MECR: variants seen among roughly 807,000 people sequenced by gnomAD.
MECR encodes enoyl-[acyl-carrier-protein] reductase, mitochondrial.
MECR carries 37 observed loss-of-function variants against 49.1 expected under a neutral mutation model. The ratio of observed to expected loss-of-function variants is 0.75; its 90% CI spans 0.58 to 0.99. MECR has a LOEUF of 0.99. Among genes scored for constraint, MECR ranks in the 50% least tolerant of loss-of-function variants. MECR has a pLI of 0.00. For missense variants in MECR, 470 were observed against 479.6 expected (o/e 0.98, Z 0.19); for synonymous variants, 198 against 191.1 (o/e 1.04, Z -0.30).
chr1:29,182,630 G>A, the MECR span, among the ~76,000 whole-genome samples: 1 of 151,768 alleles, frequency 6.6e-6, no homozygotes, highest in African/African-American at 2.4e-5. Context: ...TGCAACCTCC[G>A]CCTCCCGGGT....
At chr1:29,207,237 A>G (rs1187663456) in intron 3 of MECR, among the ~76,000 whole-genome samples, 2 of 151,978 alleles carry the variant, frequency 1.3e-5, no homozygotes, top group African/African-American at 4.8e-5. Flanking sequence ...CTTATGCTGC[A>G]GCCCCCTGAG....
rs1201357490 is a variant in MECR at position 29,203,165 on chromosome 1, G to A, written c.619C>T (p.Leu207=). Residue 207 remains leucine (L), a synonymous_variant, in exon 5 of 10, where the codon CTG becomes TTG. Transcript: ENST00000263702. ...GQAVIQIAAA[L]GLRTINVVRD... is the part of the protein sequence containing the mutation. ...ACCACATTGATGGTTCTTAGGCCCA[G>A]GGCTGCGGCGATCTGGATGACTGCT... 6.3e-7 allele frequency: 1 copy of A among 1,584,152 alleles called. No homozygotes were observed. Among genetic ancestry groups the A allele is most frequent in the Non-Finnish European group, 8.6e-7 (1 of 1,161,536 alleles).
At chr1:29,230,628 G>T in intron 1 of MECR, 103 bp downstream of exon 1, 1 of 1,414,474 alleles carries the variant, frequency 7.1e-7, no homozygotes, top group Non-Finnish European at 9.6e-7. Flanking sequence ...GCTATTCTCT[G>T]CCCCCTTCCT....
At chr1:29,179,148 C>T in the MECR span, among the ~76,000 whole-genome samples, 18 of 152,214 alleles carry the variant, frequency 1.2e-4, no homozygotes, top group East Asian at 5.8e-4. Context: ...CCTTTGAATT[C>T]CTACTCATTG....
chr1:29,215,968 A>G lies in MECR; in HGVS notation c.406+37T>C, dbSNP rs764557699. ...ACAGAGTGGGTGAAATAGGATCTGG[A>G]AGAACGAATAGGCAGCTGACACCTG... On this transcript the variant is annotated intron_variant, in intron 3 of 9. Coordinates refer to ENST00000263702, the MANE Select transcript of MECR (RefSeq NM_016011.5). 24 of 1,611,192 alleles carry G rather than the reference A, an allele frequency of 1.5e-5. 2 individuals are homozygous for G. The South Asian group carries it at 2.6e-4, about 18-fold the overall frequency.
chr1:29,196,681 C>T (rs1674078120), intron 7 of MECR, among the ~76,000 whole-genome samples: 1 of 151,536 alleles, frequency 6.6e-6, no homozygotes, highest in African/African-American at 2.4e-5. Context: ...GAGTGAGACC[C>T]TGTCTCAGAA....
At chr1:29,199,928 T>C (rs1674914847) in intron 7 of MECR, among the ~76,000 whole-genome samples, 1 of 151,318 alleles carries the variant, frequency 6.6e-6, no homozygotes, top group African/African-American at 2.4e-5. Flanking sequence ...AAAAAAAAAT[T>C]AATTTTTTTT....
downstream of MECR, among the ~76,000 whole-genome samples, chr1:29,187,748 C>T (rs535842823): frequency 4.0e-5 from 6 of 150,610 alleles, no homozygotes; most frequent in African/African-American, 1.5e-4. Flanking sequence ...TAAAGATGCA[C>T]GCCACAGGCC....
At chr1:29,217,131 A>G (rs1205626889) in intron 1 of MECR, among the ~76,000 whole-genome samples, 1 of 146,816 alleles carries the variant, frequency 6.8e-6, no homozygotes, top group African/African-American at 2.5e-5. Flanking sequence ...TTGTCTCAAA[A>G]AAAAAAAAAA....
chr1:29,187,006 C>T, the MECR span, among the ~76,000 whole-genome samples: 2 of 152,196 alleles, frequency 1.3e-5, no homozygotes, highest in East Asian at 3.8e-4. Flanking sequence ...GCTAGCCCTG[C>T]TGTCTTCCCA....
chr1:29,220,639 CA>C (rs1253430020), intron 1 of MECR: 1 of 152,322 alleles, frequency 6.6e-6, no homozygotes, highest in African/African-American at 2.4e-5. Flanking sequence ...GATGAGAATA[CA>C]GGTAGATCTC....
At chr1:29,220,242 A>AT (rs1046061121) in intron 1 of MECR, among the ~76,000 whole-genome samples, 1 of 151,062 alleles carries the variant, frequency 6.6e-6, no homozygotes, top group African/African-American at 2.4e-5. Flanking sequence ...AAAAAAAAAA[A>AT]ATACAAAAAT....
intron 1 of MECR, among the ~76,000 whole-genome samples, chr1:29,222,129 T>C (rs146427804): frequency 0.011 from 1,680 of 152,338 alleles, 38 homozygotes; most frequent in African/African-American, 0.038. Flanking sequence ...AGTCTCGCTT[T>C]GTCGCCCAGG....
intron 3 of MECR, among the ~76,000 whole-genome samples, chr1:29,208,893 G>A (rs1267724891): frequency 6.6e-6 from 1 of 152,234 alleles, no homozygotes; most frequent in African/African-American, 2.4e-5. Flanking sequence ...ACTTCTCTGA[G>A]GAGGTGACAG....
chr1:29,221,587 C>T (rs1489106198), intron 1 of MECR, among the ~76,000 whole-genome samples: 1 of 152,168 alleles, frequency 6.6e-6, no homozygotes, highest in Non-Finnish European at 1.5e-5. Context: ...ACTTGGTGAT[C>T]AGTTCCATGT....
chr1:29,220,462 T>C (rs1007458454), intron 1 of MECR, among the ~76,000 whole-genome samples: 1 of 152,154 alleles, frequency 6.6e-6, no homozygotes, highest in Middle Eastern at 3.2e-3. Flanking sequence ...CAAAGGGACT[T>C]AGCTATTTGA....
intron 1 of MECR, among the ~76,000 whole-genome samples, chr1:29,218,771 G>A (rs777968992): frequency 6.6e-6 from 1 of 152,092 alleles, no homozygotes; most frequent in Non-Finnish European, 1.5e-5. Flanking sequence ...CTTAATTAAG[G>A]AATGTATGTA....
intron 4 of MECR, among the ~76,000 whole-genome samples, chr1:29,204,594 T>G (rs1313574660): frequency 6.6e-6 from 1 of 152,210 alleles, no homozygotes; most frequent in Non-Finnish European, 1.5e-5. Context: ...ATATAAAATG[T>G]AATTCTTACC....
At chr1:29,223,300 C>T (rs558488943) in intron 1 of MECR, 33 of 985,368 alleles carry the variant, frequency 3.3e-5, no homozygotes, top group Admixed American at 1.2e-4. Flanking sequence ...CAAAAGCAGG[C>T]AGAAGAAAGA....
Sources: allele counts gnomAD v4.1 joint callset (sites outside exome capture counted in the v4.1 genomes callset), GRCh38; gene constraint gnomAD v4.1.1; transcripts MANE v1.5; gene names NCBI Gene and HGNC (gene_info 2026-07-23, HGNC 2026-07-21).